KIF21B: variants seen among roughly 807,000 people sequenced by gnomAD.
The protein encoded by KIF21B is kinesin-like protein KIF21B.
In KIF21B, 85 loss-of-function variants were observed where a neutral mutation model predicts 192.9. The ratio of observed to expected loss-of-function variants is 0.44; its 90% confidence interval spans 0.37 to 0.53. The LOEUF (loss-of-function observed/expected upper bound fraction) is 0.53, where lower values mean the gene tolerates loss of function less well. Ranked by LOEUF, KIF21B falls within the 20% of genes least tolerant of loss-of-function variation. KIF21B has a pLI of 0.00. For synonymous variants in KIF21B, 832 were observed against 884.6 expected, an observed-to-expected ratio of 0.94 and a Z score of 1.05; for missense variants, 1,716 against 2,194.8, an observed-to-expected ratio of 0.78 and a Z score of 4.36.
chr1:201,004,294 C>A, intron 7 of KIF21B, 46 bp downstream of exon 7: 2 of 1,474,542 alleles, frequency 1.4e-6, no homozygotes, highest in Admixed American at 2.0e-5. Flanking sequence ...TTCCAGGAAC[C>A]TCCCTGCCTC....
chr1:200,988,565 G>A lies in KIF21B; in HGVS notation c.3299-21C>T, dbSNP rs765927084. 7.9e-6 allele frequency: 12 copies of A among 1,519,480 alleles called. No individual in the cohort carries two copies. In the South Asian group the frequency reaches 1.2e-4, roughly 15 times the overall value. The allele number at this position is 1,519,480 out of a possible 1,614,324, so 94.1% of individuals were successfully genotyped here. ...ATTCTCTGTGGGAGGGCGGGAGGGA[G>A]GGAAAGGGGTTGAGAAGCCCTGTCC... is the stretch of plus-strand genomic sequence containing the variant. On this transcript the variant is annotated intron_variant, in intron 22 of 34. Coordinates refer to ENST00000461742, the MANE Select transcript of KIF21B (RefSeq NM_001252102.2).
chr1:200,975,678 G>A lies in KIF21B; in HGVS notation c.4444-9C>T, dbSNP rs757552355. On this transcript the variant is annotated splice_polypyrimidine_tract_variant and intron_variant, in intron 32 of 34. Transcript: ENST00000461742. This position sits in a 1 kb window ranked among gnomAD's most constrained non-coding sequence, Gnocchi z 4.3. ...TCGCCCAGCTCGAACATCTGTGGGA[G>A]GAGGGGCCAGTAGGGAGAGGCCAAG... The A allele has an allele frequency of 1.2e-6, 2 of 1,603,100 alleles. No homozygotes were observed. Among genetic ancestry groups the A allele is most frequent in the South Asian group, 2.2e-5 (2 of 89,828 alleles).
At position 200,986,812 on chromosome 1, in the gene KIF21B, A is replaced by G. The variant is rs765168987; in HGVS notation, c.3689+32T>C. The G allele has an allele frequency of 3.2e-6, 5 of 1,567,242 alleles. No homozygotes were observed. In the South Asian group the frequency reaches 4.6e-5, roughly 14 times the overall value. On this transcript the variant is annotated intron_variant, in intron 26 of 34. Coordinates refer to ENST00000461742, the MANE Select transcript of KIF21B (RefSeq NM_001252102.2). ...GTAACCAAGAACTAGACTGGTGGTG[A>G]CTCTGGAGCAGATTCTAGAACATGA...
chr1:201,003,477 G>C, intron 8 of KIF21B, 109 bp downstream of exon 8: 2 of 1,060,632 alleles, frequency 1.9e-6, no homozygotes, highest in Non-Finnish European at 2.9e-6. Context: ...ATGGTAATAG[G>C]GAGGTGGGAG....
At chr1:200,985,993 A>C (rs936782934) in intron 26 of KIF21B, among the ~76,000 whole-genome samples, 1 of 150,320 alleles carries the variant, frequency 6.7e-6, no homozygotes, top group African/African-American at 2.5e-5. Context: ...TTACAGGTGC[A>C]CACCACCACG....
chr1:200,989,421 T>A (rs1280189934), intron 21 of KIF21B, among the ~76,000 whole-genome samples: 1 of 151,946 alleles, frequency 6.6e-6, no homozygotes, highest in Non-Finnish European at 1.5e-5. Flanking sequence ...CCATGTAGGG[T>A]CTGTCCCCAG....
At position 200,998,170 on chromosome 1, in the gene KIF21B, G is replaced by C. The variant is rs764138353; in HGVS notation, c.2077+214C>G. ...AAGAATTCTAATACATGACGTGATAGCAAAGAAAAAAAATCAATTTACAAT... is the reference window on the plus strand; with the variant it reads ...AAGAATTCTAATACATGACGTGATACCAAAGAAAAAAAATCAATTTACAAT... On this transcript the variant is annotated intron_variant, in intron 14 of 34. Transcript: ENST00000461742. The surrounding 1 kb of genome is among the most constrained non-coding windows in gnomAD (Gnocchi z 4.3). 5.9e-5 allele frequency among the ~76,000 whole-genome samples: 9 copies of C among 152,090 alleles called. No individual in the cohort carries two copies. Among genetic ancestry groups the C allele is most frequent in the Non-Finnish European group, 1.2e-4 (8 of 68,012 alleles).
At position 201,005,699 on chromosome 1, in the gene KIF21B, G is replaced by T; in HGVS notation, c.448-5C>A. On this transcript the variant is annotated splice_polypyrimidine_tract_variant and splice_region_variant and intron_variant, in intron 3 of 34. Coordinates refer to ENST00000461742, the MANE Select transcript of KIF21B (RefSeq NM_001252102.2). ...AAGGATCTCCTCGTTGTAGAGCTGT[G>T]CAGGAAGGAAACAGCTGAATTCATA... 6.2e-7 allele frequency: 1 copy of T among 1,613,308 alleles called. No individual in the cohort carries two copies.
At chr1:200,995,723 C>A (rs759988983) in intron 15 of KIF21B, among the ~76,000 whole-genome samples, 3 of 152,222 alleles carry the variant, frequency 2.0e-5, no homozygotes, top group Non-Finnish European at 4.4e-5. Flanking sequence ...TCAAGAGGTT[C>A]TTCTAAGGAC....
intron 1 of KIF21B, among the ~76,000 whole-genome samples, chr1:201,018,087 A>G (rs1176665900): frequency 2.0e-5 from 3 of 152,082 alleles, no homozygotes; most frequent in Admixed American, 2.0e-4. Flanking sequence ...TCTAAGAGGG[A>G]GGGGCACAGA....
intron 15 of KIF21B, among the ~76,000 whole-genome samples, chr1:200,993,617 G>A (rs1558010732): frequency 6.6e-6 from 1 of 152,124 alleles, no homozygotes; most frequent in South Asian, 2.1e-4. Context: ...CGGTGTGGTG[G>A]TGTGTGCCCA....
rs114754815 is a variant in KIF21B at position 200,979,772 on chromosome 1, G to A, written c.3980-57C>T. ...GGAGGGATGTCAGCCACTAGGGGGC[G>A]CAGCTCCACCTCTGCAGGGGCTGCC... On this transcript the variant is annotated intron_variant, in intron 29 of 34. Coordinates refer to ENST00000461742, the MANE Select transcript of KIF21B (RefSeq NM_001252102.2). 239 of 1,420,484 alleles carry A rather than the reference G, an allele frequency of 1.7e-4. No homozygotes were observed. The African/African-American group carries it at 2.7e-3, about 16-fold the overall frequency. The allele number at this position is 1,420,484 out of a possible 1,614,324, so 88.0% of individuals were successfully genotyped here.
At position 201,005,702 on chromosome 1, in the gene KIF21B, G is replaced by A. The variant is rs770491914; in HGVS notation, c.448-8C>T. The A allele has an allele frequency of 2.5e-6, 4 of 1,612,932 alleles. No individual in the cohort carries two copies. The Admixed American group carries it at 6.7e-5, about 27-fold the overall frequency. Reference sequence around the variant, plus strand: ...GATCTCCTCGTTGTAGAGCTGTGCAGGAAGGAAACAGCTGAATTCATAGGG... The same window carrying A: ...GATCTCCTCGTTGTAGAGCTGTGCAAGAAGGAAACAGCTGAATTCATAGGG... On this transcript the variant is annotated splice_polypyrimidine_tract_variant and splice_region_variant and intron_variant, in intron 3 of 34. Transcript: ENST00000461742.
At position 200,999,928 on chromosome 1, in the gene KIF21B, G is replaced by T; in HGVS notation, c.1722C>A (p.Leu574=). The T allele has an allele frequency of 6.2e-7, 1 of 1,614,000 alleles. No individual in the cohort carries two copies. The highest frequency in any genetic ancestry group is 8.5e-7 in the Non-Finnish European group (1 of 1,180,020). The change falls in exon 12 of 35, where the codon CTC becomes CTA. Residue 574 remains leucine (L), a synonymous_variant. Transcript: ENST00000461742. The surrounding 1 kb of genome is among the most constrained non-coding windows in gnomAD (Gnocchi z 4.7). ...CCGTCTCCTCGCTGTTCTCCTGTTG[G>T]AGTTTTGCCCTCTTTTTGAAGGCTT... is the stretch of plus-strand genomic sequence containing the variant. The part of the protein sequence containing the change: ...EKEAFKKRAK[L]QQENSEETDE...
At position 200,996,202 on chromosome 1, in the gene KIF21B, C is replaced by T; in HGVS notation, c.2271G>A (p.Lys757=). 1 of 1,613,066 alleles carries T rather than the reference C, an allele frequency of 6.2e-7. No homozygotes were observed. The highest frequency in any genetic ancestry group is 8.5e-7 in the Non-Finnish European group (1 of 1,180,044). ...TCACACCCTCGGCCCCTACCTTGGC[C>T]TTCTTCATCTCAGCCACCTCGGCCT... ...KLQAEVAEMK[K]AKVALMKQMR... Residue 757 remains lysine, a synonymous_variant, in exon 15 of 35, where the codon AAG becomes AAA. Transcript: ENST00000461742.
Position 201,023,348 on chromosome 1 carries a change from G to A in KIF21B, c.36C>T (p.Ala12=), listed in dbSNP as rs758421580. The A allele has an allele frequency of 1.4e-5, 21 of 1,530,806 alleles. No homozygotes were observed. In the African/African-American group the frequency reaches 2.9e-4, roughly 21 times the overall value. The allele number at this position is 1,530,806 out of a possible 1,614,324, so 94.8% of individuals were successfully genotyped here. A position where few individuals can be genotyped will look rare whatever the true frequency, so the allele number is the denominator to read the frequency against. Residue 12 remains alanine, a synonymous_variant, in exon 1 of 35, where the codon GCC becomes GCT. Coordinates refer to ENST00000461742, the MANE Select transcript of KIF21B (RefSeq NM_001252102.2). This position sits in a 1 kb window ranked among gnomAD's most constrained non-coding sequence, Gnocchi z 5.9. The part of the protein sequence containing the change: ...AGQGDCCVKV[A]VRIRPQLSKE... ...TCCCCGCCCCGGGTCCCTACCTGAC[G>A]GCCACCTTGACGCAGCAGTCCCCCT...
intron 3 of KIF21B, among the ~76,000 whole-genome samples, chr1:201,006,504 G>T (rs1657827700): frequency 6.6e-6 from 1 of 152,120 alleles, no homozygotes; most frequent in Admixed American, 6.5e-5. Context: ...GACATCTGGG[G>T]CTTTGACAGC....
chr1:201,011,794 C>A (rs138857252), intron 1 of KIF21B, among the ~76,000 whole-genome samples: 1 of 152,358 alleles, frequency 6.6e-6, no homozygotes, highest in African/African-American at 2.4e-5. Context: ...TTCCCTACCA[C>A]GTGGCTGCCT....
rs756311883 is a variant in KIF21B at position 200,969,760 on chromosome 1, A to T, written c.*3761T>A. 8 of 152,420 alleles carry T rather than the reference A, an allele frequency of 5.2e-5. No homozygotes were observed. Among genetic ancestry groups the T allele is most frequent in the Non-Finnish European group, 8.8e-5 (6 of 68,088 alleles). 9.4% of individuals were successfully genotyped at this position (152,420 alleles called of 1,614,324 possible). A position where few individuals can be genotyped will look rare whatever the true frequency, so the allele number is the denominator to read the frequency against. On this transcript the variant is annotated 3_prime_UTR_variant, in exon 35 of 35. Coordinates refer to ENST00000461742, the MANE Select transcript of KIF21B (RefSeq NM_001252102.2). ...AGAGTGTGATAGGGGCTTCAAGATC[A>T]TGAGTGCTGGGGATGGGGCAGGGGA... is the stretch of plus-strand genomic sequence containing the variant.
Sources: gnomAD v4.1 joint callset for allele counts (sites outside exome capture counted in the v4.1 genomes callset) on GRCh38, gnomAD v4.1.1 for gene constraint, Gnocchi (gnomAD v3.1) non-coding constraint, MANE v1.5 for transcripts, NCBI Gene and HGNC (gene_info 2026-07-23, HGNC 2026-07-21) for gene names.